Variants in FER1L6 observed in about 807,000 individuals in gnomAD.
The protein encoded by FER1L6 is fer-1 like family member 6.
FER1L6 carries 177 observed loss-of-function variants against 219.2 expected under a neutral mutation model. The ratio of observed to expected loss-of-function variants is 0.81; its 90% CI spans 0.71 to 0.91. The LOEUF is 0.91. FER1L6 is among the 40% of genes least tolerant of loss of function. The pLI is 0.00. For synonymous variants in FER1L6, 768 were observed against 824.3 expected, an observed-to-expected ratio of 0.93 and a Z score of 1.17; for missense variants, 2,153 against 2,259.9, an observed-to-expected ratio of 0.95 and a Z score of 0.96.
At chr8:123,993,627 T>C (rs1329148368) in intron 12 of FER1L6, among the ~76,000 whole-genome samples, 1 of 152,130 alleles carries the variant, frequency 6.6e-6, no homozygotes, top group African/African-American at 2.4e-5. Flanking sequence ...AGGCCTGCTA[T>C]GTGGATTTTT....
intron 1 of FER1L6, among the ~76,000 whole-genome samples, chr8:123,919,109 G>A (rs113601293): frequency 2.6e-5 from 4 of 152,300 alleles, no homozygotes; most frequent in African/African-American, 7.2e-5. Flanking sequence ...TGAAGGATGA[G>A]TGAGAACTCC....
intron 22 of FER1L6, among the ~76,000 whole-genome samples, chr8:124,051,661 A>C (rs1438754909): frequency 6.6e-6 from 1 of 152,238 alleles, no homozygotes; most frequent in Non-Finnish European, 1.5e-5. Context: ...TACTTGCTCA[A>C]TATGGCGAGT....
intron 1 of FER1L6, among the ~76,000 whole-genome samples, chr8:123,937,504 A>G (rs1814055499): frequency 6.6e-6 from 1 of 152,196 alleles, no homozygotes; most frequent in South Asian, 2.1e-4. Flanking sequence ...AGGTTTAGGG[A>G]TGAGCCGAGA....
Position 123,962,896 on chromosome 8 carries a change from C to T in FER1L6, c.77-382C>T, listed in dbSNP as rs1403060741. 4.6e-5 allele frequency among the ~76,000 whole-genome samples: 7 copies of T among 151,932 alleles called. No homozygotes were observed. The South Asian group carries it at 1.0e-3, about 23-fold the overall frequency. On this transcript the variant is annotated intron_variant, in intron 2 of 40. Transcript: ENST00000522917. ...ACTTGCCTCAGCTTCCCAAAGTGCT[C>T]GGATTACAGGTGTGAGCCACCGTGC...
At chr8:123,965,590 A>G (rs10282751) in intron 3 of FER1L6, among the ~76,000 whole-genome samples, 55,666 of 152,100 alleles carry the variant, frequency 0.37, 10,433 homozygotes, top group Non-Finnish European at 0.41. Flanking sequence ...ACATGGCAGA[A>G]TGGTCCTGTG....
intron 1 of FER1L6, among the ~76,000 whole-genome samples, chr8:123,868,465 C>T (rs1816873312): frequency 6.6e-6 from 1 of 152,068 alleles, no homozygotes; most frequent in Admixed American, 6.6e-5. Context: ...CTAGCATTTT[C>T]CCTGATCATT....
chr8:123,883,811 C>G (rs1165823194), intron 1 of FER1L6, among the ~76,000 whole-genome samples: 2 of 152,154 alleles, frequency 1.3e-5, no homozygotes, highest in African/African-American at 4.8e-5. Flanking sequence ...AGCTCTCTTG[C>G]AACTCTTTTA....
At chr8:124,016,628 G>C (rs1460403227) in intron 15 of FER1L6, among the ~76,000 whole-genome samples, 1 of 152,128 alleles carries the variant, frequency 6.6e-6, no homozygotes, top group Non-Finnish European at 1.5e-5. Context: ...CTTCACAAAT[G>C]ATATCACACA....
intron 12 of FER1L6, 24 bp downstream of exon 12, chr8:123,986,200 C>T (rs1486946466): frequency 3.7e-6 from 5 of 1,345,748 alleles, no homozygotes; most frequent in Non-Finnish European, 4.3e-6. Flanking sequence ...AGCACAGTGC[C>T]AGGCACATAG....
At chr8:124,092,786 CAG>C (rs1822092906) in intron 34 of FER1L6, among the ~76,000 whole-genome samples, 1 of 151,626 alleles carries the variant, frequency 6.6e-6, no homozygotes, top group South Asian at 2.1e-4. Flanking sequence ...GGAAGGCAAA[CAG>C]GGAGCCAGCA....
chr8:123,933,264 G>A (rs1219070454), intron 1 of FER1L6, among the ~76,000 whole-genome samples: 1 of 152,120 alleles, frequency 6.6e-6, no homozygotes, highest in African/African-American at 2.4e-5. Context: ...ATGTCCTGTT[G>A]CCCAGACCCT....
chr8:124,076,170 C>A (rs1278929476), intron 31 of FER1L6, 28 bp from the exon 32 acceptor site: 3 of 1,612,842 alleles, frequency 1.9e-6, no homozygotes, highest in Non-Finnish European at 2.5e-6. Flanking sequence ...AGCTATTGAA[C>A]CAAAGACATT....
chr8:123,970,397 A>G (rs1815751590), intron 6 of FER1L6, among the ~76,000 whole-genome samples: 2 of 152,186 alleles, frequency 1.3e-5, no homozygotes, highest in African/African-American at 4.8e-5. Flanking sequence ...TTCAAGTGAC[A>G]TCTTAATGCA....
In FER1L6 at chr8:123,975,955, G is replaced by A. The variant is rs766773703; in HGVS notation, c.741G>A (p.Val247=). The stretch of plus-strand genomic sequence containing the variant: ...AGAGACCGTGGGCCAGATTCTATGT[G>A]AGACTCTACAAAGCAGAAGGGTTGC... The part of the protein sequence containing the change: ...PLERPWARFY[V]RLYKAEGLPK... The change falls in exon 9 of 41, where the codon GTG becomes GTA. Residue 247 remains valine (V), a synonymous_variant. Coordinates refer to ENST00000522917, the MANE Select transcript of FER1L6 (RefSeq NM_001039112.2). 8.1e-6 allele frequency: 13 copies of A among 1,613,778 alleles called. No homozygotes were observed. The highest frequency in any genetic ancestry group is 3.3e-5 in the Admixed American group (2 of 59,970).
intron 1 of FER1L6, among the ~76,000 whole-genome samples, chr8:123,922,167 G>A (rs1813382652): frequency 6.6e-6 from 1 of 152,136 alleles, no homozygotes; most frequent in Non-Finnish European, 1.5e-5. Flanking sequence ...ACATGCACCC[G>A]GTGCCCTGCT....
At chr8:123,966,380 C>T (rs1223943003) in intron 5 of FER1L6, 90 bp downstream of exon 5, 2 of 1,520,940 alleles carry the variant, frequency 1.3e-6, no homozygotes, top group Non-Finnish European at 1.8e-6. Context: ...AGAGCTGTGC[C>T]CCTCCTGCCT....
intron 22 of FER1L6, 101 bp from the exon 23 acceptor site, chr8:124,060,079 T>C (rs1820487803): frequency 1.2e-6 from 1 of 820,392 alleles, no homozygotes; most frequent in Admixed American, 2.0e-5. Context: ...ATTACTTTTG[T>C]TGGCAAAACA....
chr8:123,882,783 G>A (rs565311873), intron 1 of FER1L6, among the ~76,000 whole-genome samples: 6 of 152,106 alleles, frequency 3.9e-5, no homozygotes, highest in African/African-American at 1.2e-4. Context: ...AATCAACTCC[G>A]CATGATACTA....
In FER1L6 at chr8:124,091,967, T is replaced by TA. The variant is rs10591429; in HGVS notation, c.4552+405dup. On this transcript the variant is annotated intron_variant, in intron 34 of 40. Coordinates refer to ENST00000522917, the MANE Select transcript of FER1L6 (RefSeq NM_001039112.2). Reference sequence around the variant, plus strand: ...GAACAACAGAGTGGGACTCAAGTCTTAAAAAAAAAAAAAAAAAAAAAGTAA... The same window carrying TA: ...GAACAACAGAGTGGGACTCAAGTCTTAAAAAAAAAAAAAAAAAAAAAAGTAA... Among the ~76,000 whole-genome samples, 273 of 133,530 alleles carry TA rather than the reference T, an allele frequency of 2.0e-3. 1 individual carries two copies. Among genetic ancestry groups the TA allele is most frequent in the African/African-American group, 5.1e-3 (182 of 35,470 alleles). The allele number at this position is 133,530 out of a possible 152,430, so 87.6% of individuals were successfully genotyped here. A position where few individuals can be genotyped will look rare whatever the true frequency, so the allele number is the denominator to read the frequency against.
Sources: gnomAD v4.1 joint callset for allele counts (sites outside exome capture counted in the v4.1 genomes callset) on GRCh38, gnomAD v4.1.1 for gene constraint, MANE v1.5 for transcripts, NCBI Gene and HGNC (gene_info 2026-07-23, HGNC 2026-07-21) for gene names.